The following SIGLEC15 variants were observed in gnomAD, a reference collection of about 807,000 sequenced individuals.
The protein encoded by SIGLEC15 is sialic acid-binding Ig-like lectin 15.
A neutral mutation model predicts 26.2 loss-of-function variants in SIGLEC15; 31 were observed. The observed-to-expected ratio is 1.18, with a 90% CI of 0.89 to 1.60. SIGLEC15 has a LOEUF of 1.60. SIGLEC15 is among the 40% of genes most tolerant of loss of function. The pLI, the probability that SIGLEC15 is intolerant of heterozygous loss-of-function variation, is 0.00. For missense variants in SIGLEC15, 501 were observed against 488.4 expected (o/e 1.03, Z -0.24); for synonymous variants, 207 against 221.9 (o/e 0.93, Z 0.60).
intron 1 of SIGLEC15, among the ~76,000 whole-genome samples, chr18:45,833,457 G>A (rs2048250627): frequency 6.6e-6 from 1 of 151,924 alleles, no homozygotes; most frequent in Non-Finnish European, 1.5e-5. Context: ...GGATTACAGG[G>A]GACCATCACC....
intron 1 of SIGLEC15, among the ~76,000 whole-genome samples, chr18:45,835,328 C>G (rs966888485): frequency 6.6e-6 from 1 of 152,150 alleles, no homozygotes; most frequent in Non-Finnish European, 1.5e-5. Flanking sequence ...AAAAAGTATA[C>G]TTAAAATGAC....
In SIGLEC15 at chr18:45,842,322, G is replaced by A; in HGVS notation, c.*135G>A. The stretch of plus-strand genomic sequence containing the variant: ...GCTGGGTGGCTCCTCCCCTGCTCAA[G>A]GTCAAGACCCTGCTCAAGGAGGCTC... On this transcript the variant is annotated 3_prime_UTR_variant, in exon 6 of 6. Transcript: ENST00000389474. 1 of 829,838 alleles carries A rather than the reference G, an allele frequency of 1.2e-6. No homozygotes were observed. 51.4% of individuals were successfully genotyped at this position (829,838 alleles called of 1,614,324 possible).
intron 3 of SIGLEC15, 146 bp downstream of exon 3, chr18:45,838,042 C>A: frequency 9.0e-7 from 1 of 1,108,230 alleles, no homozygotes. Flanking sequence ...GGATCTCACA[C>A]CTGGGGGTAG....
At chr18:45,840,364 G>A (rs2048315374) in intron 5 of SIGLEC15, 123 bp downstream of exon 5, 1 of 1,129,908 alleles carries the variant, frequency 8.9e-7, no homozygotes, top group Non-Finnish European at 1.2e-6. Context: ...ACTTTGACCA[G>A]GGGCTGGGCC....
Position 45,837,679 on chromosome 18 carries a change from C to G in SIGLEC15, c.279C>G (p.Phe93Leu). 6.7e-7 allele frequency: 1 copy of G among 1,483,426 alleles called. No individual in the cohort carries two copies. Among genetic ancestry groups the G allele is most frequent in the Non-Finnish European group, 8.9e-7 (1 of 1,126,258 alleles). The allele number at this position is 1,483,426 out of a possible 1,614,324, so 91.9% of individuals were successfully genotyped here. The change falls in exon 3 of 6, where the codon TTC becomes TTG. Residue 93 changes from phenylalanine to leucine, a missense_variant. Phe to Leu is a conservative substitution (Grantham distance 22). Coordinates refer to ENST00000389474, the MANE Select transcript of SIGLEC15 (RefSeq NM_213602.3). ...AGCCCTATGCGGGCCCGCAGGTGTT[C>G]CGCTGCGCTGCGGCGCGGGGCAGCG... Reference protein sequence around the residue: ...AGEPYAGPQVFRCAAARGSEL... With the variant: ...AGEPYAGPQVLRCAAARGSEL...
intron 1 of SIGLEC15, among the ~76,000 whole-genome samples, chr18:45,826,063 A>T (rs970691265): frequency 3.9e-5 from 6 of 152,224 alleles, no homozygotes; most frequent in Non-Finnish European, 5.9e-5. Context: ...GCGAGCATCC[A>T]GAGGACAATA....
At chr18:45,825,809 T>C in intron 1 of SIGLEC15, 29 bp downstream of exon 1, 3 of 1,613,598 alleles carry the variant, frequency 1.9e-6, no homozygotes, top group South Asian at 1.1e-5. Flanking sequence ...CTCTGGCCCA[T>C]GCTCGGGACA....
intron 1 of SIGLEC15, among the ~76,000 whole-genome samples, chr18:45,834,744 A>G (rs2048262663): frequency 6.6e-6 from 1 of 152,210 alleles, no homozygotes; most frequent in African/African-American, 2.4e-5. Context: ...GAAGTGTCCA[A>G]TACATGTTTG....
chr18:45,825,714 T>C lies in SIGLEC15; in HGVS notation c.-15T>C, dbSNP rs1480710549. On this transcript the variant is annotated 5_prime_UTR_variant, in exon 1 of 6. Transcript: ENST00000389474. ...CGAGAGCGGGTCTGGCCTGGGGTGTTCAGATGCTCACAGCATGGAAAAGTC... is the reference window on the plus strand; with the variant it reads ...CGAGAGCGGGTCTGGCCTGGGGTGTCCAGATGCTCACAGCATGGAAAAGTC... 5 of 1,614,142 alleles carry C rather than the reference T, an allele frequency of 3.1e-6. No individual in the cohort carries two copies. The highest frequency in any genetic ancestry group is 4.2e-6 in the Non-Finnish European group (5 of 1,179,992).
intron 4 of SIGLEC15, 106 bp from the exon 5 acceptor site, chr18:45,840,105 A>T: frequency 2.4e-6 from 3 of 1,276,508 alleles, no homozygotes; most frequent in South Asian, 2.7e-5. Context: ...CTTCAAAAAC[A>T]GTGGTTTCCT....
Position 45,842,006 on chromosome 18 carries a change from C to T in SIGLEC15, c.906-100C>T, listed in dbSNP as rs970723617. ...TGCCGGTTCCAGCCGCACTGCTCCC[C>T]AGAATGTCTCCTCTTCTTGGCCCAC... On this transcript the variant is annotated intron_variant, in intron 5 of 5. Transcript: ENST00000389474. 3 of 1,104,366 alleles carry T rather than the reference C, an allele frequency of 2.7e-6. No homozygotes were observed. The South Asian group carries it at 3.8e-5, about 14-fold the overall frequency. The allele number at this position is 1,104,366 out of a possible 1,614,324, so 68.4% of individuals were successfully genotyped here. A position where few individuals can be genotyped will look rare whatever the true frequency, so the allele number is the denominator to read the frequency against.
chr18:45,830,579 C>CTT, intron 1 of SIGLEC15, among the ~76,000 whole-genome samples: 2 of 96,804 alleles, frequency 2.1e-5, no homozygotes, highest in South Asian at 3.8e-4. Context: ...AGATATTTTT[C>CTT]TTTCTTTTTT....
At chr18:45,831,937 C>G (rs545094941) in intron 1 of SIGLEC15, among the ~76,000 whole-genome samples, 1 of 152,292 alleles carries the variant, frequency 6.6e-6, no homozygotes, top group East Asian at 1.9e-4. Flanking sequence ...AGGGATTCAC[C>G]ACCAGGCTGG....
Position 45,837,603 on chromosome 18 carries a change from A to G in SIGLEC15, c.203A>G (p.His68Arg). 1.3e-6 allele frequency: 2 copies of G among 1,509,686 alleles called. No homozygotes were observed. The highest frequency in any genetic ancestry group is 1.8e-6 in the Non-Finnish European group (2 of 1,136,680). The allele number at this position is 1,509,686 out of a possible 1,614,324, so 93.5% of individuals were successfully genotyped here. Residue 68 changes from histidine (H) to arginine (R), a missense_variant, in exon 3 of 6, where the codon CAC becomes CGC. His to Arg is a conservative substitution (Grantham distance 29). Coordinates refer to ENST00000389474, the MANE Select transcript of SIGLEC15 (RefSeq NM_213602.3). ...GCAGTGCTGCCCTGCACCTTCACGCACCCGCACCGCCACTACGACGGGCCG... is the reference window on the plus strand; with the variant it reads ...GCAGTGCTGCCCTGCACCTTCACGCGCCCGCACCGCCACTACGACGGGCCG... ...DAAVLPCTFT[H>R]PHRHYDGPLT...
chr18:45,838,566 G>A, intron 3 of SIGLEC15, 152 bp from the exon 4 acceptor site: 1 of 997,992 alleles, frequency 1.0e-6, no homozygotes, highest in African/African-American at 1.7e-5. Context: ...AGAATCTTTC[G>A]CCCAAGGCCA....
chr18:45,825,687 G>A lies in SIGLEC15; in HGVS notation c.-42G>A, dbSNP rs1202363741. 6.2e-7 allele frequency: 1 copy of A among 1,607,264 alleles called. No homozygotes were observed. The stretch of plus-strand genomic sequence containing the variant: ...TGGGAGGGCCCTCACTGGGGAGGTG[G>A]CCGAGAGCGGGTCTGGCCTGGGGTG... On this transcript the variant is annotated 5_prime_UTR_variant, in exon 1 of 6. Coordinates refer to ENST00000389474, the MANE Select transcript of SIGLEC15 (RefSeq NM_213602.3).
In SIGLEC15 at chr18:45,825,701, T is replaced by G. The variant is rs1243900933; in HGVS notation, c.-28T>G. ...CTGGGGAGGTGGCCGAGAGCGGGTC[T>G]GGCCTGGGGTGTTCAGATGCTCACA... On this transcript the variant is annotated 5_prime_UTR_variant, in exon 1 of 6. Transcript: ENST00000389474. The G allele has an allele frequency of 6.2e-7, 1 of 1,612,508 alleles. No individual in the cohort carries two copies. The highest frequency in any genetic ancestry group is 1.1e-5 in the South Asian group (1 of 91,032).
In SIGLEC15 at chr18:45,834,788, G is replaced by A. The variant is rs188233812; in HGVS notation, c.53-2241G>A. Among the ~76,000 whole-genome samples the A allele has an allele frequency of 5.9e-5, 9 of 152,358 alleles. 1 individual carries two copies. The highest frequency in any genetic ancestry group is 2.2e-4 in the African/African-American group (9 of 41,584). On this transcript the variant is annotated intron_variant, in intron 1 of 5. Transcript: ENST00000389474. ...ATGAATGCACGATAGCAAATAATAT[G>A]TGGGGAATCTGTGCCTGGCTCTGTG...
At chr18:45,828,882 G>A (rs2048208622) in intron 1 of SIGLEC15, among the ~76,000 whole-genome samples, 1 of 152,244 alleles carries the variant, frequency 6.6e-6, no homozygotes, top group Non-Finnish European at 1.5e-5. Context: ...TCGGGACACA[G>A]GCAAAGGTCA....
Sources: gnomAD v4.1 joint callset for allele counts (sites outside exome capture counted in the v4.1 genomes callset) on GRCh38, gnomAD v4.1.1 for gene constraint, MANE v1.5 for transcripts, NCBI Gene and HGNC (gene_info 2026-07-23, HGNC 2026-07-21) for gene names.